The following BAZ2B variants were observed in gnomAD, a reference collection of about 807,000 sequenced individuals.
BAZ2B encodes bromodomain adjacent to zinc finger domain 2B, also known as bromodomain adjacent to zinc finger domain protein 2B.
A neutral mutation model predicts 246.0 loss-of-function variants in BAZ2B; 91 were observed. That is an observed-to-expected ratio of 0.37 (90% CI 0.31 to 0.44). The LOEUF (loss-of-function observed/expected upper bound fraction) is 0.44, where lower values mean the gene tolerates loss of function less well. Among genes scored for constraint, BAZ2B ranks in the 20% least tolerant of loss-of-function variants. The pLI is 1.00. For missense variants in BAZ2B, 2,332 were observed against 2,533.7 expected (o/e 0.92, Z 1.71); for synonymous variants, 855 against 860.0 (o/e 0.99, Z 0.10).
intron 2 of BAZ2B, among the ~76,000 whole-genome samples, chr2:159,549,827 T>TC (rs58897263): frequency 8.6e-4 from 124 of 143,500 alleles, no homozygotes; most frequent in African/African-American, 1.7e-3. Flanking sequence ...TTTCTTTCTT[T>TC]TTTTTTTTTT....
intron 13 of BAZ2B, among the ~76,000 whole-genome samples, chr2:159,427,490 G>A (rs2070172291): frequency 6.6e-6 from 1 of 152,064 alleles, no homozygotes; most frequent in Admixed American, 6.5e-5. Flanking sequence ...TTGTGAAAAT[G>A]CATCATATAG....
chr2:159,373,738 G>T (rs1054944529), intron 26 of BAZ2B, among the ~76,000 whole-genome samples: 1 of 152,164 alleles, frequency 6.6e-6, no homozygotes, highest in Non-Finnish European at 1.5e-5. Context: ...GGCTGAGGTG[G>T]GAGGATCGCT....
intron 6 of BAZ2B, chr2:159,444,046 A>G (rs1343866876): frequency 6.6e-6 from 1 of 152,204 alleles, no homozygotes; most frequent in Non-Finnish European, 1.5e-5. Flanking sequence ...GCATCCAATG[A>G]TATGATGTCT....
chr2:159,666,180 A>C, the BAZ2B span, among the ~76,000 whole-genome samples: 1 of 151,878 alleles, frequency 6.6e-6, no homozygotes, highest in Non-Finnish European at 1.5e-5. Context: ...TCATTTTATT[A>C]AGTGTGTTTT....
the BAZ2B span, among the ~76,000 whole-genome samples, chr2:159,704,482 C>CTTTTTTT: frequency 2.8e-4 from 33 of 117,016 alleles, no homozygotes; most frequent in Non-Finnish European, 3.4e-4. Flanking sequence ...CTTTCTTTTT[C>CTTTTTTT]TTTTTTTTTT....
the BAZ2B span, among the ~76,000 whole-genome samples, chr2:159,692,230 C>T: frequency 2.0e-4 from 31 of 152,152 alleles, no homozygotes; most frequent in African/African-American, 7.2e-4. Flanking sequence ...TCTCAGCTCA[C>T]GGTAACCTCT....
At chr2:159,605,832 A>G (rs1578878900) in intron 1 of BAZ2B, among the ~76,000 whole-genome samples, 1 of 152,364 alleles carries the variant, frequency 6.6e-6, no homozygotes, top group East Asian at 1.9e-4. Flanking sequence ...CACACACAGT[A>G]CAAAAACATT....
chr2:159,631,890 A>G, the BAZ2B span, among the ~76,000 whole-genome samples: 20 of 151,624 alleles, frequency 1.3e-4, no homozygotes, highest in East Asian at 9.7e-4. Flanking sequence ...ATGTATGTGT[A>G]TATATATATA....
At chr2:159,679,745 A>T in the BAZ2B span, among the ~76,000 whole-genome samples, 1 of 152,238 alleles carries the variant, frequency 6.6e-6, no homozygotes, top group African/African-American at 2.4e-5. Context: ...GGAAAATTAA[A>T]CTTCTTTTAA....
intron 1 of BAZ2B, among the ~76,000 whole-genome samples, chr2:159,595,024 T>G (rs538031832): frequency 1.5e-4 from 23 of 152,338 alleles, no homozygotes; most frequent in African/African-American, 5.3e-4. Flanking sequence ...AACCTTGGAC[T>G]GATATTAAAT....
chr2:159,649,444 A>G, the BAZ2B span, among the ~76,000 whole-genome samples: 1 of 152,136 alleles, frequency 6.6e-6, no homozygotes, highest in Non-Finnish European at 1.5e-5. Flanking sequence ...GGTGGAGCTC[A>G]GGCAGTAGTA....
chr2:159,423,602 A>C (rs2069188630), intron 13 of BAZ2B, among the ~76,000 whole-genome samples: 1 of 152,236 alleles, frequency 6.6e-6, no homozygotes, highest in Non-Finnish European at 1.5e-5. Context: ...ACAATAGCAA[A>C]GACATGGAAT....
At chr2:159,566,182 T>A (rs912912293) in intron 1 of BAZ2B, among the ~76,000 whole-genome samples, 1 of 152,050 alleles carries the variant, frequency 6.6e-6, no homozygotes, top group Non-Finnish European at 1.5e-5. Context: ...TGGCTAATTT[T>A]GTATTTTTAG....
the BAZ2B span, among the ~76,000 whole-genome samples, chr2:159,648,301 C>G: frequency 1.3e-5 from 2 of 152,092 alleles, no homozygotes; most frequent in Non-Finnish European, 2.9e-5. Flanking sequence ...CCATGCCCAG[C>G]TAATTTTTGT....
At chr2:159,512,587 T>G (rs764381502) in intron 2 of BAZ2B, among the ~76,000 whole-genome samples, 131 of 152,292 alleles carry the variant, frequency 8.6e-4, no homozygotes, top group Non-Finnish European at 3.1e-4. Flanking sequence ...CTTCATTATT[T>G]AGAATGTCTT....
chr2:159,355,920 T>C (rs560924592), intron 27 of BAZ2B, among the ~76,000 whole-genome samples: 3 of 152,134 alleles, frequency 2.0e-5, no homozygotes, highest in Non-Finnish European at 4.4e-5. Context: ...AGGGAAGCCA[T>C]GAGGGGCTGT....
At position 159,465,317 on chromosome 2, in the gene BAZ2B, A is replaced by G. The variant is rs151312121; in HGVS notation, c.146-11516T>C. Among the ~76,000 whole-genome samples the G allele has an allele frequency of 6.6e-5, 10 of 152,316 alleles. No individual in the cohort carries two copies. In the East Asian group the frequency reaches 1.7e-3, roughly 26 times the overall value. The stretch of plus-strand genomic sequence containing the variant: ...GATTAAGGCCCAACCTAATGATCTC[A>G]TTTTAATTTGATTAGCTCTGTAAGG... On this transcript the variant is annotated intron_variant, in intron 3 of 36. Coordinates refer to ENST00000392783, the MANE Select transcript of BAZ2B (RefSeq NM_013450.4).
At chr2:159,624,077 G>A in the BAZ2B span, among the ~76,000 whole-genome samples, 1 of 152,208 alleles carries the variant, frequency 6.6e-6, no homozygotes, top group African/African-American at 2.4e-5. Flanking sequence ...CAAAGCTGCT[G>A]GGAGGTTCGA....
chr2:159,503,462 G>A (rs1003588227), intron 2 of BAZ2B, among the ~76,000 whole-genome samples: 9 of 152,226 alleles, frequency 5.9e-5, no homozygotes, highest in Non-Finnish European at 1.0e-4. Flanking sequence ...GAACTGTTCC[G>A]ACTCACAAGG....
Sources: gnomAD v4.1 joint callset for allele counts (sites outside exome capture counted in the v4.1 genomes callset) on GRCh38, gnomAD v4.1.1 for gene constraint, MANE v1.5 for transcripts, NCBI Gene and HGNC (gene_info 2026-07-23, HGNC 2026-07-21) for gene names.